The following ATG5 variants were observed in gnomAD, a reference collection of about 807,000 sequenced individuals.
ATG5 encodes the protein autophagy protein 5.
A neutral mutation model predicts 36.5 loss-of-function variants in ATG5; 14 were observed. That is an observed-to-expected ratio of 0.38 (90% CI 0.25 to 0.60). The LOEUF is 0.60. ATG5 is among the 20% of genes least tolerant of loss of function. The pLI, the probability that ATG5 is intolerant of heterozygous loss-of-function variation, is 0.60. For synonymous variants in ATG5, 95 were observed against 101.5 expected (o/e 0.94, Z 0.38); for missense variants, 195 against 326.7 (o/e 0.60, Z 3.11).
At chr6:106,208,502 A>G (rs1474444885) in intron 6 of ATG5, among the ~76,000 whole-genome samples, 3 of 152,206 alleles carry the variant, frequency 2.0e-5, no homozygotes, top group Non-Finnish European at 4.4e-5. Flanking sequence ...TAAGCTAAAA[A>G]GTCCAGAATC....
intron 2 of ATG5, among the ~76,000 whole-genome samples, chr6:106,308,783 T>C (rs1237542946): frequency 3.3e-5 from 5 of 152,210 alleles, no homozygotes; most frequent in African/African-American, 1.2e-4. Context: ...TAATTAGATG[T>C]CATACTATTT....
intron 6 of ATG5, among the ~76,000 whole-genome samples, chr6:106,215,835 C>A (rs1391758680): frequency 1.3e-5 from 2 of 152,048 alleles, no homozygotes; most frequent in Non-Finnish European, 1.5e-5. Context: ...CAGAATGGGA[C>A]AAAATATTTG....
intron 7 of ATG5, among the ~76,000 whole-genome samples, chr6:106,199,575 G>A (rs1776340524): frequency 6.6e-6 from 1 of 152,180 alleles, no homozygotes; most frequent in African/African-American, 2.4e-5. Flanking sequence ...TTAGCTACAA[G>A]TAAGTACAAG....
chr6:106,292,426 A>T (rs577464025), intron 4 of ATG5, among the ~76,000 whole-genome samples: 1 of 152,324 alleles, frequency 6.6e-6, no homozygotes, highest in African/African-American at 2.4e-5. Context: ...CACTAAATTC[A>T]GTCTGGTCTT....
chr6:106,270,385 A>C (rs1779409375), intron 5 of ATG5, among the ~76,000 whole-genome samples: 1 of 152,198 alleles, frequency 6.6e-6, no homozygotes, highest in African/African-American at 2.4e-5. Flanking sequence ...ACAGAGTTTC[A>C]GGTTGGAATT....
intron 6 of ATG5, among the ~76,000 whole-genome samples, chr6:106,227,104 TAAAC>T (rs1383604384): frequency 6.6e-6 from 1 of 151,848 alleles, no homozygotes; most frequent in Non-Finnish European, 1.5e-5. Flanking sequence ...TCCAAGAAGA[TAAAC>T]AAACTAAAAA....
At chr6:106,287,037 T>C (rs189872051) in intron 4 of ATG5, among the ~76,000 whole-genome samples, 2 of 152,282 alleles carry the variant, frequency 1.3e-5, no homozygotes, top group African/African-American at 2.4e-5. Context: ...TGGTGGTAAT[T>C]TGTCAGACAA....
chr6:106,196,722 C>CAAAAAAA (rs34507159), intron 7 of ATG5, among the ~76,000 whole-genome samples: 1 of 138,278 alleles, frequency 7.2e-6, no homozygotes. Flanking sequence ...GAATCAGTCT[C>CAAAAAAA]AAAAAAAAAA....
At chr6:106,260,207 T>C (rs1014931165) in intron 5 of ATG5, among the ~76,000 whole-genome samples, 15 of 152,162 alleles carry the variant, frequency 9.9e-5, no homozygotes, top group Non-Finnish European at 1.0e-4. Context: ...TGTATACTTA[T>C]GTAACAAACC....
intron 4 of ATG5, among the ~76,000 whole-genome samples, chr6:106,283,233 T>C (rs1268012153): frequency 6.6e-6 from 1 of 152,190 alleles, no homozygotes; most frequent in Non-Finnish European, 1.5e-5. Context: ...TCCATGATCA[T>C]GAAATATACT....
intron 7 of ATG5, among the ~76,000 whole-genome samples, chr6:106,193,861 C>T (rs1776069766): frequency 6.6e-6 from 1 of 152,270 alleles, no homozygotes; most frequent in East Asian, 1.9e-4. Context: ...GAAAAGATAA[C>T]TTGTTTTTAA....
rs566480165 is a variant in ATG5, at chr6:106,282,996, G to A, written c.316-3173C>T. Reference sequence around the variant, plus strand: ...TGTAGAGATGAGGTCTCCCTATGTCGCCCAGGCTGGTCTTGAACTTCTGGG... The same window carrying A: ...TGTAGAGATGAGGTCTCCCTATGTCACCCAGGCTGGTCTTGAACTTCTGGG... On this transcript the variant is annotated intron_variant, in intron 4 of 7. Transcript: ENST00000369076. Among the ~76,000 whole-genome samples, 26 of 151,796 alleles carry A rather than the reference G, an allele frequency of 1.7e-4. No individual in the cohort carries two copies. The East Asian group carries it at 1.9e-3, about 11-fold the overall frequency.
chr6:106,316,249 A>G lies in ATG5; in HGVS notation c.-41T>C, dbSNP rs1377186634. The G allele has an allele frequency of 1.3e-6, 2 of 1,512,160 alleles. No homozygotes were observed. The highest frequency in any genetic ancestry group is 1.8e-6 in the Non-Finnish European group (2 of 1,094,232). The allele number at this position is 1,512,160 out of a possible 1,614,324, so 93.7% of individuals were successfully genotyped here. ...AGCAGTACATACAGGCTAAATTCTT[A>G]TTTCAACCAAAGCCAAACTGAAAAT... is the stretch of plus-strand genomic sequence containing the variant. On this transcript the variant is annotated 5_prime_UTR_variant, in exon 2 of 8. Transcript: ENST00000369076.
rs1699953085 is a variant in ATG5, at chr6:106,186,411, C to T, written c.*129G>A. On this transcript the variant is annotated 3_prime_UTR_variant, in exon 8 of 8. Transcript: ENST00000369076. ...CCTTATCTGACATGGAATCTTTTTC[C>T]TGTCTGGCTTGCAGCAGCGAAGTGT... The T allele has an allele frequency of 9.0e-7, 1 of 1,116,190 alleles. No homozygotes were observed. Among genetic ancestry groups the T allele is most frequent in the Admixed American group, 2.3e-5 (1 of 44,326 alleles). The allele number at this position is 1,116,190 out of a possible 1,614,324, so 69.1% of individuals were successfully genotyped here.
intron 1 of ATG5, among the ~76,000 whole-genome samples, chr6:106,324,052 T>C (rs1771202828): frequency 6.6e-6 from 1 of 152,218 alleles, no homozygotes; most frequent in African/African-American, 2.4e-5. Context: ...CTCCCATCTC[T>C]TGGCATTCCC....
intron 6 of ATG5, among the ~76,000 whole-genome samples, chr6:106,206,451 C>A (rs554511918): frequency 1.3e-5 from 2 of 152,176 alleles, no homozygotes; most frequent in Non-Finnish European, 1.5e-5. Context: ...GAGTTCAAGA[C>A]CAGCCTGGCC....
intron 4 of ATG5, among the ~76,000 whole-genome samples, chr6:106,290,326 G>A (rs1252148408): frequency 1.5e-5 from 2 of 130,198 alleles, no homozygotes; most frequent in African/African-American, 2.9e-5. Context: ...TCTTTCATTC[G>A]TTCATTTATT....
At chr6:106,219,937 G>A (rs1777177486) in intron 6 of ATG5, among the ~76,000 whole-genome samples, 1 of 152,058 alleles carries the variant, frequency 6.6e-6, no homozygotes, top group Non-Finnish European at 1.5e-5. Context: ...CCATTGATAA[G>A]CGACCTCTAC....
intron 7 of ATG5, among the ~76,000 whole-genome samples, chr6:106,190,374 G>T (rs532375902): frequency 2.0e-5 from 3 of 152,216 alleles, no homozygotes; most frequent in Admixed American, 2.0e-4. Context: ...ATTCATGAGG[G>T]CAGAGCCCTC....
Sources: gnomAD v4.1 joint callset for allele counts (sites outside exome capture counted in the v4.1 genomes callset) on GRCh38, gnomAD v4.1.1 for gene constraint, MANE v1.5 for transcripts, NCBI Gene and HGNC (gene_info 2026-07-23, HGNC 2026-07-21) for gene names.